GTF2F2: variants seen among roughly 807,000 people sequenced by gnomAD.
The protein encoded by GTF2F2 is general transcription factor IIF subunit 2.
GTF2F2 carries 23 observed loss-of-function variants against 42.2 expected under a neutral mutation model. That is an observed-to-expected ratio of 0.55 (90% CI 0.39 to 0.77). The LOEUF (loss-of-function observed/expected upper bound fraction) is 0.77, where lower values mean the gene tolerates loss of function less well. Ranked by LOEUF, GTF2F2 falls within the 30% of genes least tolerant of loss-of-function variation. The pLI, the probability that GTF2F2 is intolerant of heterozygous loss-of-function variation, is 0.00. For missense variants in GTF2F2, 261 were observed against 287.2 expected (o/e 0.91, Z 0.66); for synonymous variants, 105 against 100.8 (o/e 1.04, Z -0.25).
chr13:45,132,568 A>G (rs1869420455), intron 1 of GTF2F2, among the ~76,000 whole-genome samples: 1 of 152,168 alleles, frequency 6.6e-6, no homozygotes, highest in African/African-American at 2.4e-5. Flanking sequence ...TAATTACAGA[A>G]GCGAAGTCCC....
rs560996835 is a variant in GTF2F2 at position 45,173,438 on chromosome 13, T to C, written c.304+21607T>C. On this transcript the variant is annotated intron_variant, in intron 4 of 7. Transcript: ENST00000340473. ...CAGTTTTGTCACGTGTGGTTTCATA[T>C]ACCCATCACCACACTCAAGATGCAG... Among the ~76,000 whole-genome samples the C allele has an allele frequency of 4.6e-5, 7 of 151,820 alleles. No homozygotes were observed. In the South Asian group the frequency reaches 1.2e-3, roughly 27 times the overall value.
At chr13:45,186,512 C>T (rs1239213782) in intron 4 of GTF2F2, among the ~76,000 whole-genome samples, 2 of 151,146 alleles carry the variant, frequency 1.3e-5, no homozygotes, top group Non-Finnish European at 2.9e-5. Context: ...AAGCTGGTCT[C>T]GAACTCCTGA....
At position 45,120,588 on chromosome 13, in the gene GTF2F2, C is replaced by T; in HGVS notation, c.-68C>T. ...GCGGCTTGTCCTTTGTTCCGGACGC[C>T]CGCTCCTCAGCCCTGCGGCTCCTGG... is the stretch of plus-strand genomic sequence containing the variant. On this transcript the variant is annotated 5_prime_UTR_variant, in exon 1 of 8. Coordinates refer to ENST00000340473, the MANE Select transcript of GTF2F2 (RefSeq NM_004128.3). The T allele has an allele frequency of 8.5e-7, 1 of 1,181,178 alleles. No homozygotes were observed. Among genetic ancestry groups the T allele is most frequent in the Non-Finnish European group, 1.2e-6 (1 of 812,146 alleles). The allele number at this position is 1,181,178 out of a possible 1,614,324, so 73.2% of individuals were successfully genotyped here.
chr13:45,133,110 T>C (rs1401355771), intron 1 of GTF2F2, among the ~76,000 whole-genome samples: 1 of 152,094 alleles, frequency 6.6e-6, no homozygotes, highest in African/African-American at 2.4e-5. Flanking sequence ...TAATCAGGAT[T>C]AAGGTTTTGC....
intron 5 of GTF2F2, among the ~76,000 whole-genome samples, chr13:45,218,975 G>T (rs1489052092): frequency 6.6e-6 from 1 of 152,032 alleles, no homozygotes; most frequent in Non-Finnish European, 1.5e-5. Flanking sequence ...ATTATTTAAG[G>T]AATCTTTGAG....
At chr13:45,164,169 A>G (rs1489533787) in intron 4 of GTF2F2, among the ~76,000 whole-genome samples, 2 of 152,064 alleles carry the variant, frequency 1.3e-5, no homozygotes, top group Non-Finnish European at 2.9e-5. Context: ...AATCTCAGCT[A>G]CTTGGGAGGC....
At chr13:45,130,201 G>A (rs898455023) in intron 1 of GTF2F2, among the ~76,000 whole-genome samples, 21 of 152,200 alleles carry the variant, frequency 1.4e-4, no homozygotes, top group African/African-American at 4.8e-4. Flanking sequence ...CTGTGGAGTC[G>A]ACTGCTTAGG....
intron 1 of GTF2F2, among the ~76,000 whole-genome samples, chr13:45,135,040 A>C (rs1220884758): frequency 6.7e-6 from 1 of 150,024 alleles, no homozygotes; most frequent in Non-Finnish European, 1.5e-5. Flanking sequence ...TGCAACCTCC[A>C]CCTCCTGGGT....
chr13:45,136,604 C>A, intron 1 of GTF2F2, 129 bp from the exon 2 acceptor site: 1 of 572,944 alleles, frequency 1.7e-6, no homozygotes, highest in Non-Finnish European at 3.1e-6. Context: ...TAGTGTAAAA[C>A]ATACAGTAGT....
intron 4 of GTF2F2, among the ~76,000 whole-genome samples, chr13:45,173,871 C>A (rs1871728971): frequency 1.3e-5 from 2 of 152,104 alleles, no homozygotes; most frequent in Non-Finnish European, 2.9e-5. Context: ...CCTGCCTCAG[C>A]CTCCCAAAGT....
At chr13:45,169,683 A>G (rs1359374293) in intron 4 of GTF2F2, among the ~76,000 whole-genome samples, 1 of 152,238 alleles carries the variant, frequency 6.6e-6, no homozygotes, top group African/African-American at 2.4e-5. Flanking sequence ...TCATAAGTTT[A>G]TACTGTTGAT....
chr13:45,228,154 C>T (rs1874458563), intron 5 of GTF2F2, among the ~76,000 whole-genome samples: 1 of 151,574 alleles, frequency 6.6e-6, no homozygotes, highest in Non-Finnish European at 1.5e-5. Flanking sequence ...GCTTACCATG[C>T]TCACACACCG....
intron 4 of GTF2F2, among the ~76,000 whole-genome samples, chr13:45,162,702 A>T (rs1593463768): frequency 6.6e-6 from 1 of 152,200 alleles, no homozygotes; most frequent in East Asian, 1.9e-4. Flanking sequence ...GGTTGGGATG[A>T]GGAGGATTAA....
intron 4 of GTF2F2, among the ~76,000 whole-genome samples, chr13:45,166,743 T>C (rs975889517): frequency 6.6e-6 from 1 of 152,214 alleles, no homozygotes; most frequent in African/African-American, 2.4e-5. Flanking sequence ...TTATTTAATG[T>C]AATAGAGTGA....
At chr13:45,241,183 A>AT (rs1232188694) in intron 5 of GTF2F2, among the ~76,000 whole-genome samples, 13 of 118,768 alleles carry the variant, frequency 1.1e-4, no homozygotes, top group East Asian at 8.2e-4. Flanking sequence ...AATAAATATA[A>AT]AATATATATA....
intron 7 of GTF2F2, among the ~76,000 whole-genome samples, chr13:45,275,810 A>G (rs1029342715): frequency 2.6e-5 from 4 of 152,164 alleles, no homozygotes; most frequent in Admixed American, 6.5e-5. Flanking sequence ...TCCTTTGGGT[A>G]TATACCCAGT....
Position 45,194,049 on chromosome 13 carries a change from A to T in GTF2F2, c.305-13375A>T, listed in dbSNP as rs138094135. ...CATCCAGCCTGCTTTTGGACACCAG[A>T]ACAATGCGAGACTTTATTTTTGATA... On this transcript the variant is annotated intron_variant, in intron 4 of 7. Coordinates refer to ENST00000340473, the MANE Select transcript of GTF2F2 (RefSeq NM_004128.3). The T allele has an allele frequency of 4.6e-4, 737 of 1,614,050 alleles. 2 individuals are homozygous for T. Among genetic ancestry groups the T allele is most frequent in the Non-Finnish European group, 6.0e-4 (713 of 1,180,018 alleles).
chr13:45,235,456 T>C (rs925026339), intron 5 of GTF2F2, among the ~76,000 whole-genome samples: 13 of 151,986 alleles, frequency 8.6e-5, no homozygotes, highest in African/African-American at 1.7e-4. Context: ...TAAGGACATA[T>C]GTAGTGGGAG....
chr13:45,255,677 A>G (rs889694450), intron 6 of GTF2F2, among the ~76,000 whole-genome samples: 1 of 152,218 alleles, frequency 6.6e-6, no homozygotes, highest in Non-Finnish European at 1.5e-5. Flanking sequence ...ACGTGTAAAT[A>G]GAGATTCTAT....
Sources: gnomAD v4.1 joint callset for allele counts (sites outside exome capture counted in the v4.1 genomes callset) on GRCh38, gnomAD v4.1.1 for gene constraint, MANE v1.5 for transcripts, NCBI Gene and HGNC (gene_info 2026-07-23, HGNC 2026-07-21) for gene names.